GLRA3: variants seen among roughly 807,000 people sequenced by gnomAD.
GLRA3 encodes the protein glycine receptor alpha 3, also known as glycine receptor subunit alpha-3.
GLRA3 carries 44 observed loss-of-function variants against 60.4 expected under a neutral mutation model. The ratio of observed to expected loss-of-function variants is 0.73; its 90% CI spans 0.57 to 0.94. GLRA3 has a LOEUF of 0.94. Among genes scored for constraint, GLRA3 ranks in the 40% least tolerant of loss-of-function variants. GLRA3 has a pLI of 0.00. For synonymous variants in GLRA3, 223 were observed against 192.9 expected (o/e 1.16, Z -1.29); for missense variants, 508 against 564.6 (o/e 0.90, Z 1.02).
chr4:174,822,527 C>G (rs987919176), intron 1 of GLRA3, among the ~76,000 whole-genome samples: 2 of 151,966 alleles, frequency 1.3e-5, no homozygotes, highest in African/African-American at 4.8e-5. Flanking sequence ...TAAACAAGTC[C>G]TTATCACTAG....
intron 5 of GLRA3, among the ~76,000 whole-genome samples, chr4:174,687,916 G>T (rs888688238): frequency 2.0e-5 from 3 of 152,210 alleles, no homozygotes; most frequent in Middle Eastern, 3.4e-3. Context: ...AGTAGGAAGA[G>T]TTCATTGATA....
chr4:174,756,758 C>A (rs996623048), intron 3 of GLRA3, among the ~76,000 whole-genome samples: 1 of 151,634 alleles, frequency 6.6e-6, no homozygotes. Flanking sequence ...CATTCTCCTG[C>A]CTCAGCCTCC....
Position 174,699,788 on chromosome 4 carries a change from CATT to C in GLRA3, c.574+15697_574+15699del, listed in dbSNP as rs772748942. Among the ~76,000 whole-genome samples the C allele has an allele frequency of 3.1e-3, 441 of 140,556 alleles. 3 individuals are homozygous for C. The highest frequency in any genetic ancestry group is 5.5e-3 in the Non-Finnish European group (357 of 65,280). 92.2% of individuals were successfully genotyped at this position (140,556 alleles called of 152,430 possible). ...GAATTAATATTTGTTAAATATTTAA[CATT>C]ATTTGTTAATTATTTAATTAATAAT... On this transcript the variant is annotated intron_variant, in intron 5 of 9. Transcript: ENST00000274093.
chr4:174,787,098 T>A (rs998983886), intron 2 of GLRA3, among the ~76,000 whole-genome samples: 3 of 152,142 alleles, frequency 2.0e-5, no homozygotes, highest in Non-Finnish European at 4.4e-5. Context: ...TCTTTTAAAC[T>A]ATTAAAAAAA....
chr4:174,681,457 A>G (rs146307351), intron 6 of GLRA3, among the ~76,000 whole-genome samples: 11 of 152,316 alleles, frequency 7.2e-5, no homozygotes, highest in African/African-American at 2.6e-4. Context: ...ATCCAACATT[A>G]CTTATGTCCT....
At chr4:174,732,605 T>A (rs1196261030) in intron 3 of GLRA3, among the ~76,000 whole-genome samples, 1 of 152,008 alleles carries the variant, frequency 6.6e-6, no homozygotes, top group Non-Finnish European at 1.5e-5. Flanking sequence ...CTGTGCCACG[T>A]CAATAAAATC....
At chr4:174,738,669 T>C (rs17060818) in intron 3 of GLRA3, among the ~76,000 whole-genome samples, 30,132 of 152,136 alleles carry the variant, frequency 0.2, 4,389 homozygotes, top group African/African-American at 0.41. Context: ...TCGGAATCGA[T>C]TGATATTTCT....
intron 5 of GLRA3, among the ~76,000 whole-genome samples, chr4:174,693,077 T>C (rs527728448): frequency 6.6e-6 from 1 of 152,304 alleles, no homozygotes; most frequent in South Asian, 2.1e-4. Context: ...AGATGCATAG[T>C]TTTCAAATAT....
intron 9 of GLRA3, among the ~76,000 whole-genome samples, chr4:174,647,802 A>G (rs1304969749): frequency 1.3e-5 from 2 of 152,110 alleles, no homozygotes; most frequent in Admixed American, 6.5e-5. Context: ...TTCATTCTTT[A>G]TTTCATACAA....
In GLRA3 at chr4:174,724,025, T is replaced by C. The variant is rs895566251; in HGVS notation, c.491+4450A>G. Among the ~76,000 whole-genome samples, 4 of 150,460 alleles carry C rather than the reference T, an allele frequency of 2.7e-5. No homozygotes were observed. The South Asian group carries it at 8.5e-4, about 32-fold the overall frequency. Reference sequence around the variant, plus strand: ...AGACATATATATGTATATTTTTACATACATAGCTATGCATATATATATTTG... The same window carrying C: ...AGACATATATATGTATATTTTTACACACATAGCTATGCATATATATATTTG... On this transcript the variant is annotated intron_variant, in intron 4 of 9. Transcript: ENST00000274093.
chr4:174,701,115 A>C (rs1735301621), intron 5 of GLRA3, among the ~76,000 whole-genome samples: 1 of 152,218 alleles, frequency 6.6e-6, no homozygotes, highest in Admixed American at 6.5e-5. Flanking sequence ...TTTCATAGCT[A>C]GAGAGGAGAA....
intron 1 of GLRA3, among the ~76,000 whole-genome samples, chr4:174,821,440 G>A (rs924911360): frequency 1.3e-5 from 2 of 152,098 alleles, no homozygotes; most frequent in Admixed American, 6.5e-5. Flanking sequence ...AGTCAAAGTA[G>A]CATCATAAAA....
chr4:174,805,338 G>T (rs909537609), intron 1 of GLRA3, among the ~76,000 whole-genome samples: 2 of 152,036 alleles, frequency 1.3e-5, no homozygotes, highest in African/African-American at 2.4e-5. Context: ...ACTTGATTGT[G>T]CATGAATTTT....
At position 174,662,858 on chromosome 4, in the gene GLRA3, G is replaced by A. The variant is rs1425945626; in HGVS notation, c.928-3661C>T. Among the ~76,000 whole-genome samples, 3 of 103,026 alleles carry A rather than the reference G, an allele frequency of 2.9e-5. No individual in the cohort carries two copies. In the South Asian group the frequency reaches 9.0e-4, roughly 31 times the overall value. 67.6% of individuals were successfully genotyped at this position (103,026 alleles called of 152,430 possible). The stretch of plus-strand genomic sequence containing the variant: ...TTTTCTTTTTTTTTTTTTCCTGTTT[G>A]TAATGTGAACTCTTTGAGGGCAGAT... On this transcript the variant is annotated intron_variant, in intron 7 of 9. Coordinates refer to ENST00000274093, the MANE Select transcript of GLRA3 (RefSeq NM_006529.4).
intron 3 of GLRA3, among the ~76,000 whole-genome samples, chr4:174,750,315 A>G (rs766769459): frequency 6.6e-6 from 1 of 152,116 alleles, no homozygotes; most frequent in Admixed American, 6.6e-5. Flanking sequence ...AATGGCTCCT[A>G]TGGGTTATTT....
At chr4:174,768,736 T>C (rs1431026015) in intron 2 of GLRA3, among the ~76,000 whole-genome samples, 1 of 152,160 alleles carries the variant, frequency 6.6e-6, no homozygotes, top group Non-Finnish European at 1.5e-5. Context: ...CTACGTAAGA[T>C]GCCAGTAGGT....
At chr4:174,728,762 G>C (rs1736428389) in intron 3 of GLRA3, 64 bp from the exon 4 acceptor site, 5 of 1,025,864 alleles carry the variant, frequency 4.9e-6, no homozygotes, top group Non-Finnish European at 7.2e-6. Flanking sequence ...AAAATCCATA[G>C]TGTCAGTGTG....
intron 7 of GLRA3, among the ~76,000 whole-genome samples, chr4:174,670,912 T>A (rs998722665): frequency 5.3e-5 from 8 of 152,136 alleles, no homozygotes; most frequent in African/African-American, 1.9e-4. Flanking sequence ...TAATTTTTTT[T>A]ATCAGTAATA....
At chr4:174,755,453 A>C (rs1387917887) in intron 3 of GLRA3, among the ~76,000 whole-genome samples, 2 of 152,158 alleles carry the variant, frequency 1.3e-5, no homozygotes, top group Non-Finnish European at 2.9e-5. Context: ...AGTATGACAA[A>C]TTAGCATAAG....
Sources: gnomAD v4.1 joint callset for allele counts (sites outside exome capture counted in the v4.1 genomes callset) on GRCh38, gnomAD v4.1.1 for gene constraint, MANE v1.5 for transcripts, NCBI Gene and HGNC (gene_info 2026-07-23, HGNC 2026-07-21) for gene names.